UNC13C: variants seen among roughly 807,000 people sequenced by gnomAD.
UNC13C encodes the protein protein unc-13 homolog C.
In UNC13C, 174 loss-of-function variants were observed where a neutral mutation model predicts 245.4. The ratio of observed to expected loss-of-function variants is 0.71; its 90% CI spans 0.63 to 0.80. The LOEUF (loss-of-function observed/expected upper bound fraction) is 0.80. UNC13C is among the 30% of genes least tolerant of loss of function. The pLI, the probability that UNC13C is intolerant of heterozygous loss-of-function variation, is 0.00. For synonymous variants in UNC13C, 992 were observed against 895.1 expected, an observed-to-expected ratio of 1.11 and a Z score of -1.93; for missense variants, 2,829 against 2,602.9, an observed-to-expected ratio of 1.09 and a Z score of -1.89.
the UNC13C span, among the ~76,000 whole-genome samples, chr15:53,881,812 A>G: frequency 6.6e-6 from 1 of 152,212 alleles, no homozygotes; most frequent in African/African-American, 2.4e-5. Context: ...ACTTGCACAA[A>G]ACCAAAAAGG....
the UNC13C span, among the ~76,000 whole-genome samples, chr15:53,840,145 G>A: frequency 6.6e-6 from 1 of 152,048 alleles, no homozygotes; most frequent in Non-Finnish European, 1.5e-5. Flanking sequence ...TATAGAATTA[G>A]CAACTGATAA....
the UNC13C span, among the ~76,000 whole-genome samples, chr15:53,867,635 C>G: frequency 7.2e-5 from 11 of 152,144 alleles, no homozygotes; most frequent in African/African-American, 2.7e-4. Flanking sequence ...GGGCAGGGAA[C>G]TCTGGTCCTG....
intron 19 of UNC13C, among the ~76,000 whole-genome samples, chr15:54,461,664 G>C (rs985707301): frequency 1.3e-5 from 2 of 152,144 alleles, no homozygotes; most frequent in African/African-American, 4.8e-5. Flanking sequence ...TGTGACAATT[G>C]AGTCATTGAG....
In UNC13C at chr15:54,457,727, A is replaced by G. The variant is rs542460207; in HGVS notation, c.4934-36881A>G. On this transcript the variant is annotated intron_variant, in intron 19 of 32. Transcript: ENST00000260323. ...TGTGGTATCAGTAGAAATATCTCCC[A>G]TTTTGTTTCTAATTGAGCTTATTTG... 4.0e-5 allele frequency among the ~76,000 whole-genome samples: 6 copies of G among 151,532 alleles called. No individual in the cohort carries two copies. The South Asian group carries it at 1.2e-3, about 31-fold the overall frequency.
intron 19 of UNC13C, among the ~76,000 whole-genome samples, chr15:54,485,691 TCTCTCTGAACCCAGATCTCAACA>T: frequency 6.6e-6 from 1 of 152,182 alleles, no homozygotes; most frequent in African/African-American, 2.4e-5. Flanking sequence ...AGTCCGGGTT[TCTCTCTGAACCCAGATCTCAACA>T]CTCCCCTGAA....
chr15:54,380,627 C>G (rs2661731), intron 17 of UNC13C, among the ~76,000 whole-genome samples: 32,478 of 148,022 alleles, frequency 0.22, 3,580 homozygotes, highest in Middle Eastern at 0.28. Context: ...CACGTGTTAT[C>G]TTTTGTTTTT....
At chr15:54,055,686 C>T (rs1277001480) in intron 2 of UNC13C, among the ~76,000 whole-genome samples, 1 of 152,112 alleles carries the variant, frequency 6.6e-6, no homozygotes, top group Non-Finnish European at 1.5e-5. Flanking sequence ...GACATCTTTG[C>T]ATAGATGGTG....
chr15:54,446,697 T>C (rs993089402), intron 19 of UNC13C, among the ~76,000 whole-genome samples: 11 of 152,230 alleles, frequency 7.2e-5, no homozygotes, highest in East Asian at 1.9e-4. Context: ...TGGGCTGAGA[T>C]AATGGGGTTT....
chr15:53,911,258 G>C, the UNC13C span: 7 of 152,248 alleles, frequency 4.6e-5, no homozygotes, highest in Non-Finnish European at 1.0e-4. Context: ...GCACTTAGAG[G>C]CCCAGATAAA....
At chr15:54,118,227 TCTGTGG>T (rs2030413684) in intron 2 of UNC13C, among the ~76,000 whole-genome samples, 2 of 152,200 alleles carry the variant, frequency 1.3e-5, no homozygotes, top group Admixed American at 6.5e-5. Flanking sequence ...GTATATTTAA[TCTGTGG>T]ATTTCTTTGG....
chr15:54,411,355 T>C (rs895796050), intron 18 of UNC13C, among the ~76,000 whole-genome samples: 7 of 152,194 alleles, frequency 4.6e-5, no homozygotes, highest in Non-Finnish European at 1.0e-4. Flanking sequence ...AAGTTCAATT[T>C]ATCAATATTT....
At chr15:54,003,354 T>A (rs1279140362) in intron 1 of UNC13C, among the ~76,000 whole-genome samples, 1 of 152,152 alleles carries the variant, frequency 6.6e-6, no homozygotes, top group Non-Finnish European at 1.5e-5. Context: ...ATTAGGAAAA[T>A]GTTGCAAAGA....
chr15:54,556,135 T>C (rs1335391737), intron 29 of UNC13C, among the ~76,000 whole-genome samples: 1 of 152,060 alleles, frequency 6.6e-6, no homozygotes, highest in Non-Finnish European at 1.5e-5. Context: ...TATATTTATA[T>C]CCATATATAT....
chr15:54,538,808 G>C (rs1247321717), intron 26 of UNC13C, among the ~76,000 whole-genome samples: 1 of 151,818 alleles, frequency 6.6e-6, no homozygotes, highest in Non-Finnish European at 1.5e-5. Context: ...GTACAAATAG[G>C]CACAAAGAAG....
rs1482538621 is a variant in UNC13C at position 54,063,547 on chromosome 15, C to T, written c.2983+47661C>T. Among the ~76,000 whole-genome samples the T allele has an allele frequency of 5.3e-5, 8 of 152,170 alleles. No individual in the cohort carries two copies. In the East Asian group the frequency reaches 1.4e-3, roughly 26 times the overall value. ...TTAACATCCTCACTTACTTCTCCCT[C>T]ACTCATTTTTATTCTCCTAGATTCA... On this transcript the variant is annotated intron_variant, in intron 2 of 32. Coordinates refer to ENST00000260323, the MANE Select transcript of UNC13C (RefSeq NM_001080534.3).
At chr15:54,018,595 C>T (rs11853603) in intron 2 of UNC13C, among the ~76,000 whole-genome samples, 2,223 of 152,256 alleles carry the variant, frequency 0.015, 41 homozygotes, top group Non-Finnish European at 0.021. Flanking sequence ...GTTGCTGGCC[C>T]CTGCTGAGTT....
At chr15:54,558,940 T>G (rs1353605901) in intron 29 of UNC13C, among the ~76,000 whole-genome samples, 3 of 152,026 alleles carry the variant, frequency 2.0e-5, no homozygotes, top group Non-Finnish European at 4.4e-5. Context: ...TGACATGAGA[T>G]TCCCCTAAAT....
intron 2 of UNC13C, chr15:54,050,824 G>C: frequency 1.7e-6 from 1 of 586,902 alleles, no homozygotes; most frequent in Non-Finnish European, 3.3e-6. Flanking sequence ...AGCCTACACA[G>C]CTTACTAATT....
the UNC13C span, among the ~76,000 whole-genome samples, chr15:53,961,765 C>G: frequency 2.6e-5 from 4 of 152,176 alleles, no homozygotes; most frequent in African/African-American, 9.7e-5. Flanking sequence ...TTCCTATTTA[C>G]CACACACATA....
Sources: allele counts gnomAD v4.1 joint callset (sites outside exome capture counted in the v4.1 genomes callset), GRCh38; gene constraint gnomAD v4.1.1; transcripts MANE v1.5; gene names NCBI Gene and HGNC (gene_info 2026-07-23, HGNC 2026-07-21).